The following SLC24A2 variants were observed in gnomAD, a reference collection of about 807,000 sequenced individuals.
SLC24A2 encodes solute carrier family 24 member 2.
Under a neutral mutation model 62.0 loss-of-function variants are expected in SLC24A2, and 36 were observed. The observed-to-expected ratio is 0.58, with a 90% CI of 0.44 to 0.77. The LOEUF is 0.77. Among genes scored for constraint, SLC24A2 ranks in the 30% least tolerant of loss-of-function variants. SLC24A2 has a pLI of 0.00. For missense variants in SLC24A2, 846 were observed against 817.9 expected, an observed-to-expected ratio of 1.03 and a Z score of -0.42; for synonymous variants, 358 against 294.0, an observed-to-expected ratio of 1.22 and a Z score of -2.23.
the SLC24A2 span, among the ~76,000 whole-genome samples, chr9:20,078,794 CA>C: frequency 6.6e-6 from 1 of 152,116 alleles, no homozygotes; most frequent in Admixed American, 6.5e-5. Flanking sequence ...CAATCCTCAT[CA>C]AAAAGCATTC....
the SLC24A2 span, among the ~76,000 whole-genome samples, chr9:20,105,942 A>T: frequency 1.3e-5 from 2 of 152,108 alleles, no homozygotes; most frequent in Non-Finnish European, 2.9e-5. Flanking sequence ...AAAATTGATA[A>T]ACCGCTGGCA....
At chr9:20,206,451 CA>C in the SLC24A2 span, among the ~76,000 whole-genome samples, 10,434 of 151,878 alleles carry the variant, frequency 0.069, 427 homozygotes, top group Middle Eastern at 0.11. Flanking sequence ...GTAATTTTCC[CA>C]AAAAAAGTTA....
At chr9:20,145,741 C>A in the SLC24A2 span, among the ~76,000 whole-genome samples, 1 of 151,656 alleles carries the variant, frequency 6.6e-6, no homozygotes, top group Non-Finnish European at 1.5e-5. Context: ...CACTATTTTC[C>A]TGGATTTATT....
chr9:20,008,490 A>G, the SLC24A2 span, among the ~76,000 whole-genome samples: 2 of 152,092 alleles, frequency 1.3e-5, no homozygotes, highest in Non-Finnish European at 2.9e-5. Context: ...GTCTCCCACC[A>G]CAGTTCCATA....
intron 8 of SLC24A2, among the ~76,000 whole-genome samples, chr9:19,543,391 A>ATTT (rs145894518): frequency 1.5e-4 from 22 of 145,150 alleles, no homozygotes; most frequent in East Asian, 6.0e-4. Context: ...GGATTCATTG[A>ATTT]TTTTTTTTTT....
At chr9:19,661,335 T>C (rs1465551055) in intron 2 of SLC24A2, among the ~76,000 whole-genome samples, 1 of 152,184 alleles carries the variant, frequency 6.6e-6, no homozygotes, top group Non-Finnish European at 1.5e-5. Flanking sequence ...ACATTGTTGT[T>C]GTAGAGTATG....
the SLC24A2 span, among the ~76,000 whole-genome samples, chr9:20,086,733 T>G: frequency 6.6e-6 from 1 of 152,322 alleles, no homozygotes; most frequent in East Asian, 1.9e-4. Flanking sequence ...TACCACTTAG[T>G]TCCCAAAGCC....
At chr9:19,893,008 C>T in the SLC24A2 span, among the ~76,000 whole-genome samples, 5,412 of 152,216 alleles carry the variant, frequency 0.036, 133 homozygotes, top group Non-Finnish European at 0.05. Flanking sequence ...AAACATGTAG[C>T]CCCTATCTAG....
At chr9:20,216,863 C>T in the SLC24A2 span, among the ~76,000 whole-genome samples, 1 of 152,012 alleles carries the variant, frequency 6.6e-6, no homozygotes, top group Non-Finnish European at 1.5e-5. Context: ...TGGTTGTTTC[C>T]ATCTTTTTCC....
At chr9:19,645,947 C>T (rs1269516547) in intron 2 of SLC24A2, among the ~76,000 whole-genome samples, 1 of 152,218 alleles carries the variant, frequency 6.6e-6, no homozygotes, top group Admixed American at 6.5e-5. Context: ...CTTGTTTCTG[C>T]GTCTTCCTAC....
At chr9:20,045,295 G>C in the SLC24A2 span, among the ~76,000 whole-genome samples, 2 of 152,154 alleles carry the variant, frequency 1.3e-5, no homozygotes. Context: ...AGATTTCTCA[G>C]AGAGCGTGTA....
the SLC24A2 span, among the ~76,000 whole-genome samples, chr9:20,261,335 G>A: frequency 6.6e-6 from 1 of 152,162 alleles, no homozygotes; most frequent in African/African-American, 2.4e-5. Flanking sequence ...GGGAAGTCCA[G>A]TGTCAACAGG....
chr9:19,660,710 C>T (rs1456621948), intron 2 of SLC24A2, among the ~76,000 whole-genome samples: 3 of 152,110 alleles, frequency 2.0e-5, no homozygotes, highest in Non-Finnish European at 2.9e-5. Flanking sequence ...CTTCCTGATT[C>T]GGAGACTCCA....
At chr9:19,710,067 C>A (rs879517612) in intron 2 of SLC24A2, among the ~76,000 whole-genome samples, 2 of 152,080 alleles carry the variant, frequency 1.3e-5, no homozygotes, top group Non-Finnish European at 2.9e-5. Flanking sequence ...CCTCCCTAAT[C>A]CTCCTGTGGA....
At chr9:19,651,610 T>C (rs892724639) in intron 2 of SLC24A2, among the ~76,000 whole-genome samples, 3 of 152,230 alleles carry the variant, frequency 2.0e-5, no homozygotes, top group Admixed American at 6.5e-5. Context: ...ATAGTGTTAG[T>C]CTATGGGAAG....
intron 2 of SLC24A2, among the ~76,000 whole-genome samples, chr9:19,646,783 A>G (rs1410859233): frequency 1.3e-5 from 2 of 152,082 alleles, no homozygotes; most frequent in Admixed American, 6.5e-5. Flanking sequence ...ATATGGCTGC[A>G]ACCAATTTTC....
the SLC24A2 span, among the ~76,000 whole-genome samples, chr9:19,900,804 A>C: frequency 6.6e-6 from 1 of 152,206 alleles, no homozygotes; most frequent in African/African-American, 2.4e-5. Flanking sequence ...ACTTACCCTA[A>C]AACCCAGTTC....
At chr9:20,073,919 G>GATATAT in the SLC24A2 span, among the ~76,000 whole-genome samples, 322 of 140,764 alleles carry the variant, frequency 2.3e-3, no homozygotes, top group Middle Eastern at 0.011. Flanking sequence ...CTTGTGGGGA[G>GATATAT]ATATATATAT....
At chr9:19,579,313 G>C (rs1287567309) in intron 5 of SLC24A2, among the ~76,000 whole-genome samples, 5 of 152,190 alleles carry the variant, frequency 3.3e-5, no homozygotes, top group African/African-American at 1.2e-4. Context: ...GTGGATGCAA[G>C]ATACTTTCCT....
Sources: gnomAD v4.1 joint callset for allele counts (sites outside exome capture counted in the v4.1 genomes callset) on GRCh38, gnomAD v4.1.1 for gene constraint, MANE v1.5 for transcripts, NCBI Gene and HGNC (gene_info 2026-07-23, HGNC 2026-07-21) for gene names.